BCL2L13: variants seen among roughly 807,000 people sequenced by gnomAD.
The protein encoded by BCL2L13 is bcl-2-like protein 13.
Under a neutral mutation model 25.8 loss-of-function variants are expected in BCL2L13, and 13 were observed. The ratio of observed to expected loss-of-function variants is 0.50; its 90% CI spans 0.33 to 0.80. The LOEUF is 0.80. Among genes scored for constraint, BCL2L13 ranks in the 30% least tolerant of loss-of-function variants. The pLI is 0.02. For missense variants in BCL2L13, 504 were observed against 574.9 expected (o/e 0.88, Z 1.26); for synonymous variants, 244 against 230.3 (o/e 1.06, Z -0.54).
intron 3 of BCL2L13, chr22:17,684,746 T>G (rs2059860955): frequency 5.6e-6 from 2 of 358,072 alleles, no homozygotes; most frequent in South Asian, 4.3e-5. Flanking sequence ...TGTATTTTTT[T>G]TTTTTTTGAC....
rs188149326 is a variant in BCL2L13 at position 17,668,720 on chromosome 22, C to T, written c.121+12888C>T. 4.9e-3 allele frequency among the ~76,000 whole-genome samples: 753 copies of T among 152,272 alleles called. 4 individuals are homozygous for T. The highest frequency in any genetic ancestry group is 0.016 in the African/African-American group (672 of 41,560). ...GACCTCGTGATCCACCTGCCTTGGC[C>T]TCCCAAAGTGCTGGGATTACAGACG... On this transcript the variant is annotated intron_variant, in intron 2 of 6. Transcript: ENST00000317582.
chr22:17,726,332 C>T (rs913025206), intron 6 of BCL2L13, among the ~76,000 whole-genome samples: 1 of 135,246 alleles, frequency 7.4e-6, no homozygotes, highest in African/African-American at 2.8e-5. Flanking sequence ...GCCTGGGAGA[C>T]AGAGCAAGAC....
At chr22:17,677,688 A>C (rs59211956) in intron 2 of BCL2L13, among the ~76,000 whole-genome samples, 2,893 of 152,260 alleles carry the variant, frequency 0.019, 84 homozygotes, top group African/African-American at 0.067. Context: ...CCTGGCCAAC[A>C]TGGTGAAACC....
intron 1 of BCL2L13, among the ~76,000 whole-genome samples, chr22:17,655,300 CT>C (rs71201856): frequency 0.019 from 2,654 of 138,710 alleles, 54 homozygotes; most frequent in African/African-American, 0.055. Flanking sequence ...TTACAGTTCA[CT>C]TTTTTTTTTT....
At chr22:17,709,913 T>C (rs1175633094) in intron 6 of BCL2L13, among the ~76,000 whole-genome samples, 3 of 151,628 alleles carry the variant, frequency 2.0e-5, no homozygotes, top group Non-Finnish European at 4.4e-5. Flanking sequence ...AGCCCATCTC[T>C]ACAAAAAATA....
intron 1 of BCL2L13, among the ~76,000 whole-genome samples, chr22:17,639,601 C>G (rs1189527270): frequency 2.0e-5 from 3 of 152,194 alleles, no homozygotes; most frequent in Non-Finnish European, 4.4e-5. Flanking sequence ...TTGGTTAGCT[C>G]TTAGCCACTC....
intron 2 of BCL2L13, among the ~76,000 whole-genome samples, chr22:17,666,831 G>A (rs1006544255): frequency 2.0e-5 from 3 of 151,940 alleles, no homozygotes; most frequent in Admixed American, 6.6e-5. Context: ...GGGTTTACAG[G>A]CATGCGCCAC....
rs377596953 is a variant in BCL2L13, at chr22:17,689,104, A to G, written c.348A>G (p.Lys116=). 3.1e-6 allele frequency: 5 copies of G among 1,614,018 alleles called. No homozygotes were observed. Among genetic ancestry groups the G allele is most frequent in the South Asian group, 1.1e-5 (1 of 91,076 alleles). ...GAGAAAAAGTGTCCCAGGAACTGAA[A>G]GAGCCTCTCCATAAAGCATTGCAAA... The part of the protein sequence containing the change: ...HLGEKVSQEL[K]EPLHKALQML... The change falls in exon 4 of 7, where the codon AAA becomes AAG. Residue 116 remains lysine (K), a synonymous_variant. Transcript: ENST00000317582.
intron 2 of BCL2L13, among the ~76,000 whole-genome samples, chr22:17,669,167 G>A (rs1355359124): frequency 2.0e-5 from 3 of 151,410 alleles, no homozygotes; most frequent in African/African-American, 7.3e-5. Context: ...TGAGTAGCTG[G>A]GACTACAGGT....
chr22:17,669,626 G>A (rs771576348), intron 2 of BCL2L13, among the ~76,000 whole-genome samples: 15 of 152,144 alleles, frequency 9.9e-5, no homozygotes, highest in Non-Finnish European at 2.1e-4. Flanking sequence ...CCCACTTCCA[G>A]CATTTGGGAT....
chr22:17,708,914 G>A (rs1466356119), intron 6 of BCL2L13, among the ~76,000 whole-genome samples: 1 of 152,140 alleles, frequency 6.6e-6, no homozygotes, highest in African/African-American at 2.4e-5. Flanking sequence ...TTTAGTGAAA[G>A]CCTGCTCTTC....
At chr22:17,654,771 G>T (rs1297615247) in intron 1 of BCL2L13, among the ~76,000 whole-genome samples, 1 of 151,870 alleles carries the variant, frequency 6.6e-6, no homozygotes, top group Non-Finnish European at 1.5e-5. Context: ...TCCCAGGCTG[G>T]TGTGCAGTGG....
At chr22:17,690,117 G>A (rs1877629720) in intron 4 of BCL2L13, among the ~76,000 whole-genome samples, 1 of 152,102 alleles carries the variant, frequency 6.6e-6, no homozygotes, top group Admixed American at 6.6e-5. Context: ...CTGGAAGTCA[G>A]GAGTTGGAGA....
intron 2 of BCL2L13, among the ~76,000 whole-genome samples, chr22:17,677,852 A>G (rs1245498971): frequency 6.6e-6 from 1 of 151,230 alleles, no homozygotes; most frequent in Non-Finnish European, 1.5e-5. Context: ...CTGGCGACAG[A>G]GCGAGACTCT....
chr22:17,717,777 A>T (rs372378681), intron 6 of BCL2L13, among the ~76,000 whole-genome samples: 14 of 151,900 alleles, frequency 9.2e-5, no homozygotes, highest in African/African-American at 3.4e-4. Flanking sequence ...GAGTCTTTGC[A>T]TTGCTTCTTA....
rs545872585 is a variant in BCL2L13, at chr22:17,647,693, G to A, written c.-50-7969G>A. Among the ~76,000 whole-genome samples the A allele has an allele frequency of 9.2e-5, 14 of 152,252 alleles. No individual in the cohort carries two copies. In the East Asian group the frequency reaches 2.7e-3, roughly 29 times the overall value. Reference sequence around the variant, plus strand: ...TGGTTGTGCTGTTACCTAGCTGTATGATTTTAGGCAAATAAATTGTTCTTG... The same window carrying A: ...TGGTTGTGCTGTTACCTAGCTGTATAATTTTAGGCAAATAAATTGTTCTTG... On this transcript the variant is annotated intron_variant, in intron 1 of 6. Transcript: ENST00000317582.
intron 1 of BCL2L13, among the ~76,000 whole-genome samples, chr22:17,646,557 A>C (rs879549404): frequency 1.3e-5 from 2 of 150,020 alleles, no homozygotes; most frequent in Non-Finnish European, 2.9e-5. Context: ...CCAAGATAGC[A>C]ATTTTTATAG....
chr22:17,711,304 C>CTTTTTTTTTTTT (rs765639315), intron 6 of BCL2L13, among the ~76,000 whole-genome samples: 5,008 of 124,302 alleles, frequency 0.04, 307 homozygotes, highest in African/African-American at 0.1. Context: ...CATGATGGGC[C>CTTTTTTTTTTTT]TTTTTTTTTT....
Position 17,677,504 on chromosome 22 carries a change from G to C in BCL2L13, c.122-5710G>C, listed in dbSNP as rs965995124. On this transcript the variant is annotated intron_variant, in intron 2 of 6. Transcript: ENST00000317582. ...TCCCAGCGTGAGGGAGGCCAAGGTG[G>C]GCGGCCTGCTTGAGCCCAGGAATTT... Among the ~76,000 whole-genome samples, 5 of 152,114 alleles carry C rather than the reference G, an allele frequency of 3.3e-5. No individual in the cohort carries two copies. In the South Asian group the frequency reaches 8.3e-4, roughly 25 times the overall value.
Sources: gnomAD v4.1 joint callset for allele counts (sites outside exome capture counted in the v4.1 genomes callset) on GRCh38, gnomAD v4.1.1 for gene constraint, MANE v1.5 for transcripts, NCBI Gene and HGNC (gene_info 2026-07-23, HGNC 2026-07-21) for gene names.